The following C1QTNF7 variants were observed in gnomAD, a reference collection of about 807,000 sequenced individuals.
C1QTNF7 encodes the protein complement C1q tumor necrosis factor-related protein 7.
C1QTNF7 carries 15 observed loss-of-function variants against 19.6 expected under a neutral mutation model. That is an observed-to-expected ratio of 0.76 (90% CI 0.51 to 1.18). The LOEUF is 1.18. Among genes scored for constraint, C1QTNF7 ranks in the 50% most tolerant of loss-of-function variants. C1QTNF7 has a pLI of 0.00. For missense variants in C1QTNF7, 324 were observed against 359.7 expected (o/e 0.90, Z 0.80); for synonymous variants, 142 against 137.5 (o/e 1.03, Z -0.23).
At chr4:15,401,140 A>G (rs1467620593) in intron 1 of C1QTNF7, among the ~76,000 whole-genome samples, 1 of 152,202 alleles carries the variant, frequency 6.6e-6, no homozygotes, top group East Asian at 1.9e-4. Flanking sequence ...CATGTTGCAC[A>G]ATAGCGAGGG....
intron 1 of C1QTNF7, among the ~76,000 whole-genome samples, chr4:15,343,669 T>C (rs1480232399): frequency 2.0e-5 from 3 of 152,128 alleles, no homozygotes; most frequent in African/African-American, 7.2e-5. Context: ...AAATGCAAAA[T>C]TAGATATCGC....
chr4:15,349,954 AC>A (rs2109285929), intron 1 of C1QTNF7, among the ~76,000 whole-genome samples: 1 of 151,910 alleles, frequency 6.6e-6, no homozygotes, highest in South Asian at 2.1e-4. Flanking sequence ...CAGAAAGCTC[AC>A]TGAATACTGA....
At chr4:15,431,101 GATA>G (rs1712289348) in intron 1 of C1QTNF7, among the ~76,000 whole-genome samples, 1 of 149,406 alleles carries the variant, frequency 6.7e-6, no homozygotes, top group Non-Finnish European at 1.5e-5. Flanking sequence ...TAGATAGATA[GATA>G]GATTCATTGC....
intron 1 of C1QTNF7, among the ~76,000 whole-genome samples, chr4:15,348,016 T>G (rs1040115478): frequency 3.3e-5 from 5 of 152,100 alleles, no homozygotes; most frequent in African/African-American, 1.2e-4. Context: ...TAATAATATA[T>G]ATCTGCTCCA....
intron 1 of C1QTNF7, among the ~76,000 whole-genome samples, chr4:15,388,397 C>T (rs1388341261): frequency 6.6e-6 from 1 of 152,114 alleles, no homozygotes; most frequent in Non-Finnish European, 1.5e-5. Context: ...TAAGTTACAA[C>T]ATAAAGAGGG....
In C1QTNF7 at chr4:15,412,302, C is replaced by A. The variant is rs1236038057; in HGVS notation, c.14-23434C>A. Among the ~76,000 whole-genome samples, 3 of 152,120 alleles carry A rather than the reference C, an allele frequency of 2.0e-5. No individual in the cohort carries two copies. In the East Asian group the frequency reaches 5.8e-4, roughly 29 times the overall value. On this transcript the variant is annotated intron_variant, in intron 1 of 2. Coordinates refer to the C1QTNF7 transcript ENST00000295297. ...CAATAAATGTAATGCACTTTTGAAT[C>A]ATCCTAAACCATCTCCCACCCCCAC...
intron 1 of C1QTNF7, among the ~76,000 whole-genome samples, chr4:15,347,622 T>A (rs1052765556): frequency 6.6e-6 from 1 of 152,152 alleles, no homozygotes; most frequent in Non-Finnish European, 1.5e-5. Flanking sequence ...AGCCCTGTAC[T>A]GAGAAAGAAT....
intron 1 of C1QTNF7, among the ~76,000 whole-genome samples, chr4:15,353,154 C>T (rs1716992518): frequency 6.6e-6 from 1 of 152,138 alleles, no homozygotes; most frequent in Non-Finnish European, 1.5e-5. Flanking sequence ...ATTGTTTTCT[C>T]TCCCAATAAA....
At chr4:15,426,046 G>A, upstream of C1QTNF7, among the ~76,000 whole-genome samples, 1 of 152,162 alleles carries the variant, frequency 6.6e-6, no homozygotes, top group Non-Finnish European at 1.5e-5. Flanking sequence ...CCTTCTTTTT[G>A]AGAGCTAGGT....
At chr4:15,351,132 A>G (rs1293241127) in intron 1 of C1QTNF7, among the ~76,000 whole-genome samples, 1 of 152,230 alleles carries the variant, frequency 6.6e-6, no homozygotes. Flanking sequence ...AATCATAGCT[A>G]ATGTTAAAAT....
chr4:15,363,407 T>C (rs2109300763), intron 1 of C1QTNF7, among the ~76,000 whole-genome samples: 1 of 152,284 alleles, frequency 6.6e-6, no homozygotes, highest in East Asian at 1.9e-4. Context: ...GTATGCATGG[T>C]ATGCAGCAAT....
chr4:15,435,017 C>T (rs2108937800), intron 1 of C1QTNF7, among the ~76,000 whole-genome samples: 1 of 152,310 alleles, frequency 6.6e-6, no homozygotes, highest in Middle Eastern at 3.4e-3. Context: ...CCTCTTTTCT[C>T]CAGCTTTAAA....
chr4:15,349,532 G>A (rs542903136), intron 1 of C1QTNF7, among the ~76,000 whole-genome samples: 1 of 152,120 alleles, frequency 6.6e-6, no homozygotes, highest in South Asian at 2.1e-4. Context: ...CATGACATGA[G>A]GAGGAGGAGG....
intron 1 of C1QTNF7, among the ~76,000 whole-genome samples, chr4:15,375,058 T>C (rs1189969265): frequency 2.0e-5 from 3 of 151,872 alleles, no homozygotes; most frequent in Non-Finnish European, 4.4e-5. Context: ...TATAGATCCA[T>C]ACTCAAGAGG....
Position 15,442,230 on chromosome 4 carries a change from G to A in C1QTNF7, c.301G>A (p.Gly101Arg). The A allele has an allele frequency of 1.9e-6, 3 of 1,614,064 alleles. No individual in the cohort carries two copies. The highest frequency in any genetic ancestry group is 2.5e-6 in the Non-Finnish European group (3 of 1,180,008). Residue 101 changes from glycine (G) to arginine (R), a missense_variant, in exon 3 of 3, where the codon GGG becomes AGG. Gly to Arg is a moderately radical substitution (Grantham distance 125). Coordinates refer to ENST00000444304, the MANE Select transcript of C1QTNF7 (RefSeq NM_031911.5). Reference sequence around the variant, plus strand: ...TGAGAAAGGGGACCAAGGAGAGACTGGGAAGAAAGGACCCATAGGACCAGA... The same window carrying A: ...TGAGAAAGGGGACCAAGGAGAGACTAGGAAGAAAGGACCCATAGGACCAGA... ...AGEKGDQGETGKKGPIGPEGE... is the reference protein window; with the variant it reads ...AGEKGDQGETRKKGPIGPEGE...
chr4:15,409,299 A>G (rs1450112793), intron 1 of C1QTNF7, among the ~76,000 whole-genome samples: 1 of 152,216 alleles, frequency 6.6e-6, no homozygotes, highest in Non-Finnish European at 1.5e-5. Context: ...GATGGTCCTC[A>G]GCCTCAGGCC....
intron 1 of C1QTNF7, among the ~76,000 whole-genome samples, chr4:15,421,225 A>C (rs1278856085): frequency 6.6e-6 from 1 of 152,140 alleles, no homozygotes; most frequent in Non-Finnish European, 1.5e-5. Flanking sequence ...CTAAATAATA[A>C]ATGTAAGGTA....
At chr4:15,343,787 A>G (rs545038482) in intron 1 of C1QTNF7, among the ~76,000 whole-genome samples, 99 of 152,342 alleles carry the variant, frequency 6.5e-4, no homozygotes, top group African/African-American at 2.3e-3. Flanking sequence ...CACTTACCAG[A>G]TACAAAGAAT....
intron 1 of C1QTNF7, among the ~76,000 whole-genome samples, chr4:15,382,763 C>G (rs914538137): frequency 1.3e-5 from 2 of 152,214 alleles, no homozygotes; most frequent in African/African-American, 4.8e-5. Flanking sequence ...AAAAAAGCCA[C>G]TGCTCTTGCT....
Sources: allele counts gnomAD v4.1 joint callset (sites outside exome capture counted in the v4.1 genomes callset), GRCh38; gene constraint gnomAD v4.1.1; transcripts MANE v1.5; gene names NCBI Gene and HGNC (gene_info 2026-07-23, HGNC 2026-07-21).